The following CKAP2 variants were observed in gnomAD, a reference collection of about 807,000 sequenced individuals.
CKAP2 encodes cytoskeleton-associated protein 2.
A neutral mutation model predicts 58.4 loss-of-function variants in CKAP2; 46 were observed. The observed-to-expected ratio is 0.79, with a 90% CI of 0.62 to 1.01. The LOEUF (loss-of-function observed/expected upper bound fraction) is 1.01, where lower values mean the gene tolerates loss of function less well. CKAP2 is among the 50% of genes least tolerant of loss of function. The pLI is 0.00. For synonymous variants in CKAP2, 293 were observed against 280.9 expected (o/e 1.04, Z -0.43); for missense variants, 809 against 796.4 (o/e 1.02, Z -0.19).
chr13:52,455,638 GGTGGCGGTGGCGGTGGC>G lies in CKAP2; in HGVS notation c.70+14_70+30del, dbSNP rs767608371. On this transcript the variant is annotated intron_variant, in intron 1 of 8. Coordinates refer to ENST00000258607, the MANE Select transcript of CKAP2 (RefSeq NM_018204.5). ...GTCCGCATTCAAAGGTGAAGGCCGC[GGTGGCGGTGGCGGTGGC>G]GGTGGCGGTGGCGGTGGCGGGCGCG... 1.3e-5 allele frequency: 3 copies of G among 227,914 alleles called. No homozygotes were observed. The East Asian group carries it at 8.1e-4, about 62-fold the overall frequency. The allele number at this position is 227,914 out of a possible 1,614,324, so 14.1% of individuals were successfully genotyped here. A position where few individuals can be genotyped will look rare whatever the true frequency, so the allele number is the denominator to read the frequency against.
Position 52,455,486 on chromosome 13 carries a change from C to G in CKAP2, c.-71C>G. 2 of 1,573,000 alleles carry G rather than the reference C, an allele frequency of 1.3e-6. No homozygotes were observed. The highest frequency in any genetic ancestry group is 3.3e-5 in the Admixed American group (2 of 59,886). Reference sequence around the variant, plus strand: ...GACGGCTTAGCCGCGGTGCAGACTGCGGCGGCGGTGGTCTGAGGAAGTTCT... The same window carrying G: ...GACGGCTTAGCCGCGGTGCAGACTGGGGCGGCGGTGGTCTGAGGAAGTTCT... On this transcript the variant is annotated 5_prime_UTR_variant, in exon 1 of 9. Coordinates refer to ENST00000258607, the MANE Select transcript of CKAP2 (RefSeq NM_018204.5).
rs1426242524 is a variant in CKAP2, at chr13:52,461,639, C to T, written c.813C>T (p.Ile271=). ...CCCGGGACACTGTGAAACAAGGCAT[C>T]AGTAGAACTTCTGCCAATGTTACAA... The part of the protein sequence containing the change: ...SNTRDTVKQG[I]SRTSANVTIR... The change falls in exon 4 of 9, where the codon ATC becomes ATT. Residue 271 remains isoleucine, a synonymous_variant. Transcript: ENST00000258607. 1 of 1,614,034 alleles carries T rather than the reference C, an allele frequency of 6.2e-7. No homozygotes were observed. Among genetic ancestry groups the T allele is most frequent in the Non-Finnish European group, 8.5e-7 (1 of 1,179,926 alleles).
At chr13:52,456,648 A>G (rs758458305) in intron 2 of CKAP2, 41 bp downstream of exon 2, 3 of 1,443,346 alleles carry the variant, frequency 2.1e-6, no homozygotes, top group Non-Finnish European at 2.9e-6. Flanking sequence ...GTAAAATTGT[A>G]TCAGATCTGT....
At chr13:52,473,780 G>T (rs1315026340) in intron 7 of CKAP2, 49 bp from the exon 8 acceptor site, 12 of 1,519,932 alleles carry the variant, frequency 7.9e-6, no homozygotes, top group South Asian at 3.8e-5. Flanking sequence ...TTCTGATTTT[G>T]TTCTTAAAAT....
intron 8 of CKAP2, 78 bp downstream of exon 8, chr13:52,474,162 A>C: frequency 1.5e-6 from 2 of 1,366,274 alleles, no homozygotes; most frequent in East Asian, 2.3e-5. Context: ...TCTTTGAGAT[A>C]GCTTCAGATT....
intron 2 of CKAP2, among the ~76,000 whole-genome samples, chr13:52,459,926 G>A (rs529592085): frequency 3.3e-5 from 5 of 152,096 alleles, no homozygotes; most frequent in East Asian, 1.9e-4. Context: ...GTGCAGTGAC[G>A]GGATCTTGGC....
In CKAP2 at chr13:52,476,176, T is replaced by C. The variant is rs1958826307; in HGVS notation, c.*1035T>C. The C allele has an allele frequency of 6.6e-6, 1 of 152,254 alleles. No homozygotes were observed. The highest frequency in any genetic ancestry group is 2.1e-4 in the South Asian group (1 of 4,830). The allele number at this position is 152,254 out of a possible 1,614,324, so 9.4% of individuals were successfully genotyped here. The stretch of plus-strand genomic sequence containing the variant: ...CTACAGTTTCAAATAAATGACTTTT[T>C]AATTGTAAAAGATTAGTTGAAAAAC... On this transcript the variant is annotated 3_prime_UTR_variant, in exon 9 of 9. Coordinates refer to ENST00000258607, the MANE Select transcript of CKAP2 (RefSeq NM_018204.5).
chr13:52,473,043 T>G (rs1958780660), intron 7 of CKAP2, among the ~76,000 whole-genome samples: 1 of 150,122 alleles, frequency 6.7e-6, no homozygotes, highest in Admixed American at 6.6e-5. Flanking sequence ...AGACACCCTG[T>G]CTCTAAAAAA....
At chr13:52,474,803 A>G (rs1958805725) in intron 8 of CKAP2, 92 bp from the exon 9 acceptor site, 3 of 1,249,592 alleles carry the variant, frequency 2.4e-6, no homozygotes, top group Admixed American at 2.5e-5. Flanking sequence ...TGCTTATAAC[A>G]TACAAGCTAT....
chr13:52,455,835 G>A (rs1958468737), intron 1 of CKAP2: 2 of 808,040 alleles, frequency 2.5e-6, no homozygotes, highest in African/African-American at 1.9e-5. Context: ...GTTACTGTGC[G>A]GTCGCTGCTG....
Position 52,461,191 on chromosome 13 carries a change from A to G in CKAP2, c.365A>G (p.Asp122Gly), listed in dbSNP as rs746670021. ...TVVIDTHKPKDSNQTPHLLLT... is the reference protein window; with the variant it reads ...TVVIDTHKPKGSNQTPHLLLT... ...GTAATTGACACACATAAACCTAAGG[A>G]TAGTAATCAAACTCCGCATTTGTTA... Residue 122 changes from aspartate to glycine, a missense_variant, in exon 4 of 9, where the codon GAT becomes GGT. This residue lies in a region of CKAP2 where 523 missense variants were observed against 492.4 expected (regional missense o/e 1.06). Transcript: ENST00000258607. 3 of 1,613,960 alleles carry G rather than the reference A, an allele frequency of 1.9e-6. No homozygotes were observed. The highest frequency in any genetic ancestry group is 2.2e-5 in the East Asian group (1 of 44,880).
At chr13:52,459,256 A>G (rs1440388734) in intron 2 of CKAP2, among the ~76,000 whole-genome samples, 2 of 152,216 alleles carry the variant, frequency 1.3e-5, no homozygotes. Flanking sequence ...TAGATATGAA[A>G]GGCAATGTAA....
At chr13:52,467,089 A>G (rs1958689560) in intron 6 of CKAP2, among the ~76,000 whole-genome samples, 1 of 141,096 alleles carries the variant, frequency 7.1e-6, no homozygotes, top group South Asian at 2.4e-4. Flanking sequence ...CAACAGAGCA[A>G]CACCCTGTCT....
intron 7 of CKAP2, among the ~76,000 whole-genome samples, chr13:52,469,698 G>A (rs545905049): frequency 1.5e-4 from 23 of 149,748 alleles, no homozygotes; most frequent in Non-Finnish European, 3.1e-4. Flanking sequence ...CCGGGTTCAC[G>A]CCATTCTCCT....
At chr13:52,464,672 C>T (rs1011759082) in intron 5 of CKAP2, among the ~76,000 whole-genome samples, 5 of 151,704 alleles carry the variant, frequency 3.3e-5, no homozygotes, top group African/African-American at 4.9e-5. Context: ...TAATCAGCTC[C>T]AGAACAATAT....
At chr13:52,466,259 A>C (rs1170758520) in intron 6 of CKAP2, among the ~76,000 whole-genome samples, 1 of 152,194 alleles carries the variant, frequency 6.6e-6, no homozygotes, top group Non-Finnish European at 1.5e-5. Flanking sequence ...TTTTATGGAT[A>C]CATGTTCTTC....
intron 2 of CKAP2, among the ~76,000 whole-genome samples, chr13:52,459,350 C>T (rs1401105573): frequency 6.6e-6 from 1 of 151,720 alleles, no homozygotes; most frequent in Non-Finnish European, 1.5e-5. Context: ...TGAGACGGAG[C>T]CTTGCTCTGT....
chr13:52,473,936 C>T lies in CKAP2; in HGVS notation c.1654C>T (p.Leu552Phe). Residue 552 changes from leucine (L) to phenylalanine (F), a missense_variant, in exon 8 of 9, where the codon CTT (leucine) becomes TTT (phenylalanine). Physicochemically the swap from Leu to Phe is conservative, Grantham distance 22 (BLOSUM62 0). Around this residue, in one of 3 missense-constraint regions of CKAP2, gnomAD observed 283 missense variants for 287.6 expected, o/e 0.98. Transcript: ENST00000258607. ...AGAAAAACTGGAAATGGAGAGTAAA[C>T]TTCATAGAAATTTGCTATTTCAAGA... is the stretch of plus-strand genomic sequence containing the variant. Reference protein sequence around the residue: ...DPEKLEMESKLHRNLLFQDCE... With the variant: ...DPEKLEMESKFHRNLLFQDCE... 1 of 1,614,000 alleles carries T rather than the reference C, an allele frequency of 6.2e-7. No individual in the cohort carries two copies. Among genetic ancestry groups the T allele is most frequent in the Non-Finnish European group, 8.5e-7 (1 of 1,179,972 alleles).
intron 7 of CKAP2, 24 bp downstream of exon 7, chr13:52,468,371 C>T (rs1958712981): frequency 4.3e-6 from 6 of 1,406,778 alleles, no homozygotes; most frequent in East Asian, 2.3e-5. Context: ...ATTTTATTTC[C>T]TTCATGTGAA....
Sources: gnomAD v4.1 joint callset for allele counts (sites outside exome capture counted in the v4.1 genomes callset) on GRCh38, gnomAD v4.1.1 for gene constraint, gnomAD v4.1.1 regional missense constraint, MANE v1.5 for transcripts, NCBI Gene and HGNC (gene_info 2026-07-23, HGNC 2026-07-21) for gene names.